The following ITGAL variants were observed in gnomAD, a reference collection of about 807,000 sequenced individuals.
ITGAL encodes integrin alpha-L.
A neutral mutation model predicts 138.4 loss-of-function variants in ITGAL; 68 were observed. The observed-to-expected ratio is 0.49, with a 90% CI of 0.40 to 0.60. The LOEUF (loss-of-function observed/expected upper bound fraction) is 0.60, where lower values mean the gene tolerates loss of function less well. Ranked by LOEUF, ITGAL falls within the 20% of genes least tolerant of loss-of-function variation. The pLI is 0.00. For missense variants in ITGAL, 1,256 were observed against 1,478.6 expected (o/e 0.85, Z 2.47); for synonymous variants, 561 against 584.3 (o/e 0.96, Z 0.57).
At position 30,475,532 on chromosome 16, in the gene ITGAL, G is replaced by C; in HGVS notation, c.279G>C (p.Lys93Asn). ...CTACAGGTTCCAACTATACCTCCAA[G>C]TACTTGGGAATGACCTTGGCAACAG... ...VTLRGSNYTSKYLGMTLATDP... is the reference protein window; with the variant it reads ...VTLRGSNYTSNYLGMTLATDP... The change falls in exon 4 of 31, where the codon AAG (lysine) becomes AAC (asparagine). Residue 93 changes from lysine (K) to asparagine (N), a missense_variant. Lys to Asn is a moderately conservative substitution (Grantham distance 94). This residue lies in a region of ITGAL where 212 missense variants were observed against 217.4 expected (regional missense o/e 0.98). Transcript: ENST00000356798. 1.2e-6 allele frequency: 2 copies of C among 1,614,048 alleles called. No homozygotes were observed. The highest frequency in any genetic ancestry group is 1.7e-6 in the Non-Finnish European group (2 of 1,179,982).
chr16:30,482,307 G>A (rs2050572785), intron 7 of ITGAL, among the ~76,000 whole-genome samples: 2 of 152,246 alleles, frequency 1.3e-5, no homozygotes, highest in South Asian at 2.1e-4. Context: ...TAAAAAAGAA[G>A]AGCCAGGACA....
rs770074329 is a variant in ITGAL, at chr16:30,499,319, C to G, written c.1994-19C>G. ...GGGATCCCCCACCATTTAACTCTTG[C>G]CTTTTCCGCCCTGCCCAGGCCGCCT... On this transcript the variant is annotated intron_variant, in intron 16 of 30. Coordinates refer to ENST00000356798, the MANE Select transcript of ITGAL (RefSeq NM_002209.3). 4 of 1,613,772 alleles carry G rather than the reference C, an allele frequency of 2.5e-6. No individual in the cohort carries two copies. Among genetic ancestry groups the G allele is most frequent in the Non-Finnish European group, 3.4e-6 (4 of 1,179,802 alleles).
At chr16:30,495,763 C>T (rs539899009) in intron 13 of ITGAL, among the ~76,000 whole-genome samples, 6 of 152,156 alleles carry the variant, frequency 3.9e-5, no homozygotes, top group African/African-American at 7.2e-5. Flanking sequence ...GTGGGAGGAT[C>T]GCTTGAGCCC....
chr16:30,487,120 G>A (rs1209721911), intron 9 of ITGAL, among the ~76,000 whole-genome samples: 3 of 146,350 alleles, frequency 2.0e-5, no homozygotes, highest in African/African-American at 7.6e-5. Flanking sequence ...TCCAGCCTGG[G>A]CGACAGAGTG....
At chr16:30,507,476 AAAAC>A (rs1240219345) in intron 21 of ITGAL, among the ~76,000 whole-genome samples, 2 of 150,924 alleles carry the variant, frequency 1.3e-5, no homozygotes, top group African/African-American at 4.9e-5. Context: ...AACAAAAAAA[AAAAC>A]AAAAAAAAAA....
At position 30,495,828 on chromosome 16, in the gene ITGAL, G is replaced by A. The variant is rs545600567; in HGVS notation, c.1504-269G>A. 7.9e-5 allele frequency among the ~76,000 whole-genome samples: 12 copies of A among 151,966 alleles called. 1 individual carries two copies. The South Asian group carries it at 1.5e-3, about 18-fold the overall frequency. Reference sequence around the variant, plus strand: ...TGCACCACTGCACTCCAGCCTGTGCGACAGAGCAAGACTCCATCTCAAAAA... The same window carrying A: ...TGCACCACTGCACTCCAGCCTGTGCAACAGAGCAAGACTCCATCTCAAAAA... On this transcript the variant is annotated intron_variant, in intron 13 of 30. Transcript: ENST00000356798.
At position 30,502,175 on chromosome 16, in the gene ITGAL, A is replaced by C. The variant is rs149257742; in HGVS notation, c.2146-2000A>C. On this transcript the variant is annotated intron_variant, in intron 17 of 30. Transcript: ENST00000356798. ...CACTTTGGGAGGCCAAGGTGGGCGG[A>C]TCACGAGGTGAGGAGATTGAGACCA... 6.4e-3 allele frequency among the ~76,000 whole-genome samples: 967 copies of C among 152,208 alleles called. 9 individuals carry two copies. The highest frequency in any genetic ancestry group is 0.021 in the African/African-American group (879 of 41,532).
chr16:30,485,372 G>A (rs1483433581), intron 9 of ITGAL, among the ~76,000 whole-genome samples: 5 of 147,472 alleles, frequency 3.4e-5, no homozygotes, highest in South Asian at 2.1e-4. Context: ...GACTACAGGC[G>A]CCAGCCACCA....
At chr16:30,499,723 A>ATGTGTGTATATATATACG in intron 17 of ITGAL, among the ~76,000 whole-genome samples, 1 of 83,760 alleles carries the variant, frequency 1.2e-5, no homozygotes, top group South Asian at 5.9e-4. Flanking sequence ...GTATATATAT[A>ATGTGTGTATATATATACG]TATATATATA....
rs2050973073 is a variant in ITGAL, at chr16:30,505,465, C to G, written c.2366+3C>G. 1 of 1,611,456 alleles carries G rather than the reference C, an allele frequency of 6.2e-7. No individual in the cohort carries two copies. Among genetic ancestry groups the G allele is most frequent in the Admixed American group, 1.7e-5 (1 of 59,966 alleles). On this transcript the variant is annotated splice_donor_region_variant and intron_variant, in intron 20 of 30. Transcript: ENST00000356798. ...AGAGTGTCCTTCTCTCCTGCAAGGT[C>G]AGTAAGGCCTCCCACCCTCCAGCCT...
chr16:30,521,910 A>AC lies in ITGAL; in HGVS notation c.*247dup. 2.2e-6 allele frequency: 1 copy of AC among 461,054 alleles called. No individual in the cohort carries two copies. Among genetic ancestry groups the AC allele is most frequent in the Non-Finnish European group, 3.9e-6 (1 of 257,596 alleles). 28.6% of individuals were successfully genotyped at this position (461,054 alleles called of 1,614,324 possible). A position where few individuals can be genotyped will look rare whatever the true frequency, so the allele number is the denominator to read the frequency against. On this transcript the variant is annotated 3_prime_UTR_variant, in exon 31 of 31. Transcript: ENST00000356798. ...AGGGCTTGTCATTACCAGACGGTTCACCAGCCTCTCTTGGTTTCCTTCCTT... is the reference window on the plus strand; with the variant it reads ...AGGGCTTGTCATTACCAGACGGTTCACCCAGCCTCTCTTGGTTTCCTTCCTT...
intron 6 of ITGAL, chr16:30,480,654 A>G (rs895148374): frequency 1.3e-5 from 2 of 152,162 alleles, no homozygotes; most frequent in African/African-American, 4.8e-5. Context: ...CTCATTTTCA[A>G]AAGAATTATC....
At chr16:30,491,243 T>C (rs2050719918) in intron 11 of ITGAL, among the ~76,000 whole-genome samples, 1 of 148,098 alleles carries the variant, frequency 6.8e-6, no homozygotes, top group East Asian at 2.0e-4. Flanking sequence ...TCTATAAAAA[T>C]GCAAAAAATT....
chr16:30,499,388 A>G lies in ITGAL; in HGVS notation c.2044A>G (p.Thr682Ala). The G allele has an allele frequency of 6.2e-7, 1 of 1,614,024 alleles. No homozygotes were observed. The highest frequency in any genetic ancestry group is 1.1e-5 in the South Asian group (1 of 91,082). The change falls in exon 17 of 31, where the codon ACC becomes GCC. Residue 682 changes from threonine (T) to alanine (A), a missense_variant. By Grantham distance (58) the Thr-to-Ala change is moderately conservative. Coordinates refer to ENST00000356798, the MANE Select transcript of ITGAL (RefSeq NM_002209.3). Reference protein sequence around the residue: ...TYTLQLDGHRTRRRGLFPGGR... With the variant: ...TYTLQLDGHRARRRGLFPGGR... Reference sequence around the variant, plus strand: ...CACTCTGCAGCTGGATGGCCACCGGACCAGAAGACGGGGGTTGTTCCCAGG... The same window carrying G: ...CACTCTGCAGCTGGATGGCCACCGGGCCAGAAGACGGGGGTTGTTCCCAGG...
At chr16:30,503,721 C>A (rs561241021) in intron 17 of ITGAL, among the ~76,000 whole-genome samples, 1 of 152,194 alleles carries the variant, frequency 6.6e-6, no homozygotes, top group African/African-American at 2.4e-5. Flanking sequence ...GCTAGTAGAA[C>A]CTTCAGGTGA....
intron 2 of ITGAL, 38 bp downstream of exon 2, chr16:30,474,336 C>T: frequency 1.4e-6 from 2 of 1,443,624 alleles, no homozygotes; most frequent in Non-Finnish European, 1.9e-6. Flanking sequence ...CTGATGCCCG[C>T]CCTGGGGCAG....
At chr16:30,504,504 A>T (rs936384586) in intron 18 of ITGAL, among the ~76,000 whole-genome samples, 1 of 152,040 alleles carries the variant, frequency 6.6e-6, no homozygotes, top group South Asian at 2.1e-4. Flanking sequence ...GGAGTTTGAG[A>T]CCAGCCTGGG....
At chr16:30,520,426 C>T (rs2051235593) in intron 30 of ITGAL, among the ~76,000 whole-genome samples, 1 of 152,034 alleles carries the variant, frequency 6.6e-6, no homozygotes, top group South Asian at 2.1e-4. Context: ...CAGAGCAAGA[C>T]CTTGTCTCAC....
At position 30,506,759 on chromosome 16, in the gene ITGAL, A is replaced by G; in HGVS notation, c.2411A>G (p.Glu804Gly). The G allele has an allele frequency of 2.5e-6, 4 of 1,613,616 alleles. No individual in the cohort carries two copies. Among genetic ancestry groups the G allele is most frequent in the Non-Finnish European group, 3.4e-6 (4 of 1,179,864 alleles). Residue 804 changes from glutamate (E) to glycine (G), a missense_variant, in exon 21 of 31, where the codon GAG (glutamate) becomes GGG (glycine). Transcript: ENST00000356798. ...ACTGCTTTTGCCAGCCTCTCTGTGG[A>G]GCTGAGCCTGAGTAACTTGGAAGAA... Reference protein sequence around the residue: ...RLTAFASLSVELSLSNLEEDA... With the variant: ...RLTAFASLSVGLSLSNLEEDA...
Sources: gnomAD v4.1 joint callset for allele counts (sites outside exome capture counted in the v4.1 genomes callset) on GRCh38, gnomAD v4.1.1 for gene constraint, gnomAD v4.1.1 regional missense constraint, MANE v1.5 for transcripts, NCBI Gene and HGNC (gene_info 2026-07-23, HGNC 2026-07-21) for gene names.